The following TENT4B variants were observed in gnomAD, a reference collection of about 807,000 sequenced individuals.
TENT4B encodes terminal nucleotidyltransferase 4B.
Under a neutral mutation model 75.0 loss-of-function variants are expected in TENT4B, and 10 were observed. That is an observed-to-expected ratio of 0.13 (90% CI 0.08 to 0.23). The LOEUF is 0.23. Among genes scored for constraint, TENT4B ranks in the 10% least tolerant of loss-of-function variants. TENT4B has a pLI of 1.00. For missense variants in TENT4B, 579 were observed against 893.8 expected, an observed-to-expected ratio of 0.65 and a Z score of 4.49; for synonymous variants, 350 against 357.7, an observed-to-expected ratio of 0.98 and a Z score of 0.24.
In TENT4B at chr16:50,229,541, G is replaced by A; in HGVS notation, c.*213G>A. 1 of 1,259,420 alleles carries A rather than the reference G, an allele frequency of 7.9e-7. No individual in the cohort carries two copies. Among genetic ancestry groups the A allele is most frequent in the Non-Finnish European group, 9.9e-7 (1 of 1,005,882 alleles). The allele number at this position is 1,259,420 out of a possible 1,614,324, so 78.0% of individuals were successfully genotyped here. A position where few individuals can be genotyped will look rare whatever the true frequency, so the allele number is the denominator to read the frequency against. On this transcript the variant is annotated 3_prime_UTR_variant, in exon 12 of 12. Coordinates refer to ENST00000561678, the MANE Select transcript of TENT4B (RefSeq NM_001365324.3). ...CAAAAAAAAAAGCAAGCAAAAAAGA[G>A]GGAAAAAAAAGGCTGCTTATTTGAT...
Position 50,230,906 on chromosome 16 carries a change from G to A in TENT4B, c.*1578G>A, listed in dbSNP as rs1032382990. The A allele has an allele frequency of 1.5e-5, 15 of 983,992 alleles. No homozygotes were observed. The highest frequency in any genetic ancestry group is 6.2e-5 in the Admixed American group (1 of 16,216). 61.0% of individuals were successfully genotyped at this position (983,992 alleles called of 1,614,324 possible). A position where few individuals can be genotyped will look rare whatever the true frequency, so the allele number is the denominator to read the frequency against. ...TGTTAAATGCAGCCATTTCTGAGAC[G>A]AGATTCTTTTATATATATATACATA... On this transcript the variant is annotated 3_prime_UTR_variant, in exon 12 of 12. Coordinates refer to ENST00000561678, the MANE Select transcript of TENT4B (RefSeq NM_001365324.3).
rs1435298293 is a variant in TENT4B, at chr16:50,233,876, A to T, written c.*4548A>T. On this transcript the variant is annotated 3_prime_UTR_variant, in exon 12 of 12. Coordinates refer to ENST00000561678, the MANE Select transcript of TENT4B (RefSeq NM_001365324.3). ...GGATTTACTGAGAGATATTTTAGCT[A>T]TGTCAATAAGAACAGCTAATGATGT... The T allele has an allele frequency of 1.0e-6, 1 of 985,334 alleles. No individual in the cohort carries two copies. Among genetic ancestry groups the T allele is most frequent in the Non-Finnish European group, 1.2e-6 (1 of 829,942 alleles). The allele number at this position is 985,334 out of a possible 1,614,324, so 61.0% of individuals were successfully genotyped here.
At position 50,234,820 on chromosome 16, in the gene TENT4B, T is replaced by C; in HGVS notation, c.*5492T>C. 1 of 985,600 alleles carries C rather than the reference T, an allele frequency of 1.0e-6. No individual in the cohort carries two copies. Among genetic ancestry groups the C allele is most frequent in the Non-Finnish European group, 1.2e-6 (1 of 829,918 alleles). The allele number at this position is 985,600 out of a possible 1,614,324, so 61.1% of individuals were successfully genotyped here. ...ATATAAAGTGTGAAGGACTGTTGAGTTAAACATTTTTAGTGGAATATACAT... is the reference window on the plus strand; with the variant it reads ...ATATAAAGTGTGAAGGACTGTTGAGCTAAACATTTTTAGTGGAATATACAT... On this transcript the variant is annotated 3_prime_UTR_variant, in exon 12 of 12. Transcript: ENST00000561678.
In TENT4B at chr16:50,233,533, A is replaced by T. The variant is rs1395408788; in HGVS notation, c.*4205A>T. On this transcript the variant is annotated 3_prime_UTR_variant, in exon 12 of 12. Transcript: ENST00000561678. Reference sequence around the variant, plus strand: ...TTTTTGGTCAAAGATAATGAGCTAAATATATATAGACGTTGAATGTTGACA... The same window carrying T: ...TTTTTGGTCAAAGATAATGAGCTAATTATATATAGACGTTGAATGTTGACA... The T allele has an allele frequency of 1.1e-5, 11 of 985,126 alleles. No individual in the cohort carries two copies. In the African/African-American group the frequency reaches 1.9e-4, roughly 17 times the overall value. 61.0% of individuals were successfully genotyped at this position (985,126 alleles called of 1,614,324 possible).
chr16:50,217,313 C>A (rs1192369813), intron 4 of TENT4B, among the ~76,000 whole-genome samples: 1 of 151,846 alleles, frequency 6.6e-6, no homozygotes, highest in Non-Finnish European at 1.5e-5. Context: ...AATTGGACAC[C>A]AAACAAAATT....
chr16:50,181,031 A>T (rs1462081364), intron 1 of TENT4B, among the ~76,000 whole-genome samples: 5 of 152,278 alleles, frequency 3.3e-5, no homozygotes, highest in Non-Finnish European at 5.9e-5. Context: ...TGTGGGCCAC[A>T]GACATTATTG....
rs2032248690 is a variant in TENT4B, at chr16:50,230,306, A to AG, written c.*978_*979insG. On this transcript the variant is annotated 3_prime_UTR_variant, in exon 12 of 12. Transcript: ENST00000561678. ...CCCCATTTCTTCCTAATAGGAAAAA[A>AG]AAAAAAAAAAAGGTCACCCATGTCT... 6 of 981,984 alleles carry AG rather than the reference A, an allele frequency of 6.1e-6. No homozygotes were observed. Among genetic ancestry groups the AG allele is most frequent in the Non-Finnish European group, 7.2e-6 (6 of 827,946 alleles). The allele number at this position is 981,984 out of a possible 1,614,324, so 60.8% of individuals were successfully genotyped here. A position where few individuals can be genotyped will look rare whatever the true frequency, so the allele number is the denominator to read the frequency against.
rs183918005 is a variant in TENT4B at position 50,161,569 on chromosome 16, G to A, written c.638+7310G>A. On this transcript the variant is annotated intron_variant, in intron 1 of 11. Coordinates refer to ENST00000561678, the MANE Select transcript of TENT4B (RefSeq NM_001365324.3). ...CAATAAAATGGAAGCCTTTATTACC[G>A]TGTTTCAAATGCTATGCTAAACCTT... is the stretch of plus-strand genomic sequence containing the variant. 2.9e-4 allele frequency among the ~76,000 whole-genome samples: 44 copies of A among 152,228 alleles called. No homozygotes were observed. In the East Asian group the frequency reaches 8.1e-3, roughly 28 times the overall value.
chr16:50,156,378 C>T (rs902922629), intron 1 of TENT4B, among the ~76,000 whole-genome samples: 1 of 145,124 alleles, frequency 6.9e-6, no homozygotes, highest in Non-Finnish European at 1.5e-5. Context: ...GAGTTTCGCT[C>T]TTGTTGCCCA....
chr16:50,223,713 G>A (rs1054937782), intron 7 of TENT4B, among the ~76,000 whole-genome samples: 1 of 152,160 alleles, frequency 6.6e-6, no homozygotes, highest in Non-Finnish European at 1.5e-5. Flanking sequence ...ACAACCAATT[G>A]TCAGCAATTA....
intron 1 of TENT4B, among the ~76,000 whole-genome samples, chr16:50,182,375 C>T (rs2038431640): frequency 6.6e-6 from 1 of 152,112 alleles, no homozygotes; most frequent in South Asian, 2.1e-4. Context: ...AATTTTTCTC[C>T]TACATTTGTT....
intron 1 of TENT4B, among the ~76,000 whole-genome samples, chr16:50,203,165 A>T (rs900345301): frequency 2.0e-5 from 3 of 152,224 alleles, no homozygotes; most frequent in African/African-American, 7.2e-5. Flanking sequence ...CAGCATTCAT[A>T]AAAGTAAGAT....
At chr16:50,211,514 G>C (rs755230160) in intron 2 of TENT4B, 68 bp downstream of exon 2, 8 of 1,445,646 alleles carry the variant, frequency 5.5e-6, no homozygotes, top group Non-Finnish European at 7.3e-6. Flanking sequence ...CCTATCTGCT[G>C]GTATCTCATG....
chr16:50,230,558 T>C lies in TENT4B; in HGVS notation c.*1230T>C, dbSNP rs977715939. On this transcript the variant is annotated 3_prime_UTR_variant, in exon 12 of 12. Transcript: ENST00000561678. ...TTTTGGTATTGTTGATCTTTACAAA[T>C]TAAATGGTCTTTGATAATGGATCTA... 1.2e-5 allele frequency: 12 copies of C among 976,384 alleles called. No homozygotes were observed. The highest frequency in any genetic ancestry group is 1.8e-5 in the African/African-American group (1 of 57,046). The allele number at this position is 976,384 out of a possible 1,614,324, so 60.5% of individuals were successfully genotyped here.
chr16:50,208,866 G>T lies in TENT4B; in HGVS notation c.639-2457G>T, dbSNP rs192425617. ...TTGTGCCTCATCCTCCCGAGGAGCTGGAATTACAGGCATGCGCCACCACAC... is the reference window on the plus strand; with the variant it reads ...TTGTGCCTCATCCTCCCGAGGAGCTTGAATTACAGGCATGCGCCACCACAC... On this transcript the variant is annotated intron_variant, in intron 1 of 11. Transcript: ENST00000561678. Among the ~76,000 whole-genome samples the T allele has an allele frequency of 5.3e-3, 813 of 152,184 alleles. 3 individuals are homozygous for T. The highest frequency in any genetic ancestry group is 7.1e-3 in the Non-Finnish European group (485 of 68,020).
intron 1 of TENT4B, among the ~76,000 whole-genome samples, chr16:50,155,272 G>GGTGGGTGT (rs1555506870): frequency 1.6e-4 from 21 of 135,480 alleles, no homozygotes; most frequent in South Asian, 7.8e-4. Context: ...GGGTCTCGTG[G>GGTGGGTGT]GTGTGTGTGT....
intron 1 of TENT4B, among the ~76,000 whole-genome samples, chr16:50,201,321 G>A (rs1046060639): frequency 1.4e-4 from 22 of 152,096 alleles, no homozygotes; most frequent in African/African-American, 5.1e-4. Flanking sequence ...TGGATCTCCT[G>A]AGGTCAGGAG....
At chr16:50,216,974 A>G (rs1417276965) in intron 4 of TENT4B, among the ~76,000 whole-genome samples, 1 of 152,142 alleles carries the variant, frequency 6.6e-6, no homozygotes, top group Non-Finnish European at 1.5e-5. Flanking sequence ...TTTTTGGGCT[A>G]TTTGCAAAAC....
intron 10 of TENT4B, among the ~76,000 whole-genome samples, chr16:50,226,971 A>G (rs867766406): frequency 2.6e-5 from 4 of 152,118 alleles, no homozygotes; most frequent in Non-Finnish European, 5.9e-5. Context: ...CCCCATCCTG[A>G]TAGAATTTAT....
Sources: gnomAD v4.1 joint callset for allele counts (sites outside exome capture counted in the v4.1 genomes callset) on GRCh38, gnomAD v4.1.1 for gene constraint, MANE v1.5 for transcripts, NCBI Gene and HGNC (gene_info 2026-07-23, HGNC 2026-07-21) for gene names.